Variants in MROH7 observed in about 807,000 individuals in gnomAD.
MROH7 encodes maestro heat-like repeat-containing protein family member 7.
A neutral mutation model predicts 129.2 loss-of-function variants in MROH7; 113 were observed. The ratio of observed to expected loss-of-function variants is 0.87; its 90% CI spans 0.75 to 1.02. The LOEUF (loss-of-function observed/expected upper bound fraction) is 1.02, where lower values mean the gene tolerates loss of function less well. Ranked by LOEUF, MROH7 falls within the 50% of genes least tolerant of loss-of-function variation. The pLI is 0.00. For missense variants in MROH7, 1,601 were observed against 1,671.3 expected (o/e 0.96, Z 0.73); for synonymous variants, 655 against 667.9 (o/e 0.98, Z 0.30).
chr1:54,697,355 G>A (rs1645339961), intron 17 of MROH7: 1 of 326,856 alleles, frequency 3.1e-6, no homozygotes, highest in Admixed American at 4.7e-5. Flanking sequence ...TGTCACATTG[G>A]TATTGCACCC....
At chr1:54,677,026 A>T (rs1213883496) in intron 10 of MROH7, among the ~76,000 whole-genome samples, 1 of 151,970 alleles carries the variant, frequency 6.6e-6, no homozygotes, top group East Asian at 2.0e-4. Context: ...TTTTTTGTAC[A>T]GACAGAGTTT....
At position 54,710,055 on chromosome 1, in the gene MROH7, G is replaced by A. The variant is rs1233917586; in HGVS notation, c.3840G>A (p.Gly1280=). ...SCWQNSWLPH[G]NSWVCYSATT... ...GGCAGAACTCCTGGCTGCCGCACGG[G>A]AACTCATGGGTGTGTTACTCAGCCA... The change falls in exon 24 of 24, where the codon GGG becomes GGA. Residue 1280 remains glycine (G), a synonymous_variant. Transcript: ENST00000421030. 6.2e-7 allele frequency: 1 copy of A among 1,614,094 alleles called. No homozygotes were observed.
rs77220180 is a variant in MROH7 at position 54,674,104 on chromosome 1, C to T, written c.1889C>T (p.Ala630Val). The T allele has an allele frequency of 1.9e-6, 3 of 1,613,824 alleles. No homozygotes were observed. The highest frequency in any genetic ancestry group is 2.2e-5 in the South Asian group (2 of 91,086). ...GDPDEEIGCE[A>V]LDGIIILYTI... The stretch of plus-strand genomic sequence containing the variant: ...CCTGATGAGGAGATTGGCTGTGAGG[C>T]TCTGGACGGCATCATCATCCTCTAC... Residue 630 changes from alanine (A) to valine (V), a missense_variant, in exon 10 of 24, where the codon GCT becomes GTT. Transcript: ENST00000421030.
chr1:54,694,175 C>T (rs1645284778), intron 16 of MROH7, among the ~76,000 whole-genome samples: 1 of 152,198 alleles, frequency 6.6e-6, no homozygotes, highest in South Asian at 2.1e-4. Flanking sequence ...AGCCACGTCC[C>T]TCGGTGAAAT....
chr1:54,659,358 C>A (rs1195002021), intron 3 of MROH7, among the ~76,000 whole-genome samples: 1 of 152,188 alleles, frequency 6.6e-6, no homozygotes, highest in Non-Finnish European at 1.5e-5. Context: ...TCTCGGCTCA[C>A]TGCAACCTCC....
At chr1:54,695,681 T>C in intron 17 of MROH7, 191 bp downstream of exon 17, 1 of 642,574 alleles carries the variant, frequency 1.6e-6, no homozygotes, top group Non-Finnish European at 2.9e-6. Flanking sequence ...TTTACTCCAT[T>C]CCACTCTTAA....
chr1:54,677,330 C>T (rs1191509779), intron 10 of MROH7, among the ~76,000 whole-genome samples: 1 of 152,122 alleles, frequency 6.6e-6, no homozygotes, highest in Non-Finnish European at 1.5e-5. Flanking sequence ...ACCCAGGAGG[C>T]GGAGGTTGCA....
intron 9 of MROH7, 78 bp downstream of exon 9, chr1:54,673,883 G>A (rs1457231770): frequency 1.3e-5 from 19 of 1,519,584 alleles, no homozygotes; most frequent in Admixed American, 5.1e-5. Context: ...CTCTGTTCAG[G>A]GATTCCCAGG....
intron 1 of MROH7, among the ~76,000 whole-genome samples, chr1:54,643,268 A>G (rs931525986): frequency 6.6e-6 from 1 of 152,216 alleles, no homozygotes; most frequent in Non-Finnish European, 1.5e-5. Flanking sequence ...TGACTAGACT[A>G]GATGTTAGCC....
rs143975815 is a variant in MROH7, at chr1:54,684,014, C to G, written c.2520+1220C>G. 7.1e-3 allele frequency among the ~76,000 whole-genome samples: 1,086 copies of G among 152,338 alleles called. 3 individuals carry two copies. Among genetic ancestry groups the G allele is most frequent in the Non-Finnish European group, 0.011 (763 of 68,032 alleles). On this transcript the variant is annotated intron_variant, in intron 14 of 23. Coordinates refer to ENST00000421030, the MANE Select transcript of MROH7 (RefSeq NM_001039464.4). ...AGACATTGCTGTCCTGCTGTGCTCA[C>G]CATGATATCCCCAACATCTTGCATA...
chr1:54,663,838 T>C (rs1219965654), intron 3 of MROH7: 1 of 441,318 alleles, frequency 2.3e-6, no homozygotes, highest in Non-Finnish European at 4.5e-6. Context: ...TTCCTTTTAG[T>C]GGGGAAAGGT....
chr1:54,704,370 C>T (rs982155196), intron 21 of MROH7, among the ~76,000 whole-genome samples: 3 of 151,818 alleles, frequency 2.0e-5, no homozygotes, highest in African/African-American at 7.3e-5. Flanking sequence ...AGCTCAAGCT[C>T]ACCGTGCAGG....
intron 10 of MROH7, 92 bp downstream of exon 10, chr1:54,674,243 G>C: frequency 7.0e-7 from 1 of 1,432,108 alleles, no homozygotes; most frequent in Non-Finnish European, 9.4e-7. Context: ...TTGGCATTAA[G>C]GCACTGGTGG....
intron 1 of MROH7, among the ~76,000 whole-genome samples, chr1:54,644,531 T>C (rs913481130): frequency 2.0e-4 from 31 of 151,936 alleles, no homozygotes; most frequent in African/African-American, 7.0e-4. Flanking sequence ...TTAGTAGAGA[T>C]AGGGTTTCAC....
At chr1:54,646,153 TG>T (rs1644464076) in intron 1 of MROH7, among the ~76,000 whole-genome samples, 1 of 151,940 alleles carries the variant, frequency 6.6e-6, no homozygotes, top group Non-Finnish European at 1.5e-5. Flanking sequence ...CTGGAGTGGG[TG>T]GGGGAGGCCA....
intron 14 of MROH7, 87 bp downstream of exon 14, chr1:54,682,881 T>G: frequency 2.1e-6 from 3 of 1,456,496 alleles, no homozygotes; most frequent in Non-Finnish European, 1.9e-6. Context: ...ACACCCGGCC[T>G]CGAGTACCGC....
In MROH7 at chr1:54,653,077, C is replaced by T; in HGVS notation, c.151C>T (p.Pro51Ser). 2 of 1,614,186 alleles carry T rather than the reference C, an allele frequency of 1.2e-6. No homozygotes were observed. Among genetic ancestry groups the T allele is most frequent in the Non-Finnish European group, 1.7e-6 (2 of 1,180,042 alleles). ...TCAGGTGCCTATGTTGAATCTGCTC[C>T]CAAGTCCTGGCTTGGCTCTCGTTCC... ...MAQVPMLNLL[P>S]SPGLALVPDL... is the part of the protein sequence containing the mutation. Residue 51 changes from proline to serine, a missense_variant, in exon 3 of 24, where the codon CCA becomes TCA. Physicochemically the swap from Pro to Ser is moderately conservative, Grantham distance 74. Coordinates refer to ENST00000421030, the MANE Select transcript of MROH7 (RefSeq NM_001039464.4).
At chr1:54,682,609 C>T (rs1448214918) in intron 13 of MROH7, 47 bp from the exon 14 acceptor site, 14 of 1,577,842 alleles carry the variant, frequency 8.9e-6, no homozygotes, top group Non-Finnish European at 1.0e-5. Context: ...CTGGGTTAGC[C>T]CCACTGCCTT....
intron 10 of MROH7, among the ~76,000 whole-genome samples, chr1:54,675,338 G>A (rs1163049609): frequency 1.3e-5 from 2 of 152,190 alleles, no homozygotes; most frequent in Non-Finnish European, 2.9e-5. Context: ...AAAGGTACTA[G>A]CTCAGTGCCA....
Sources: gnomAD v4.1 joint callset for allele counts (sites outside exome capture counted in the v4.1 genomes callset) on GRCh38, gnomAD v4.1.1 for gene constraint, MANE v1.5 for transcripts, NCBI Gene and HGNC (gene_info 2026-07-23, HGNC 2026-07-21) for gene names.